Variants in RPS6KA6 observed in about 807,000 individuals in gnomAD.
The protein encoded by RPS6KA6 is ribosomal protein S6 kinase alpha-6.
RPS6KA6 carries 27 observed loss-of-function variants against 65.4 expected under a neutral mutation model. The observed-to-expected ratio is 0.41, with a 90% CI of 0.30 to 0.57. The LOEUF is 0.57. RPS6KA6 is among the 20% of genes least tolerant of loss of function. The pLI is 0.24. For synonymous variants in RPS6KA6, 190 were observed against 184.2 expected, an observed-to-expected ratio of 1.03 and a Z score of -0.26; for missense variants, 486 against 555.6, an observed-to-expected ratio of 0.87 and a Z score of 1.26.
intron 20 of RPS6KA6, among the ~76,000 whole-genome samples, chrX:84,091,089 C>T: frequency 8.9e-6 from 1 of 112,123 alleles, no homozygotes; most frequent in Non-Finnish European, 1.9e-5. Context: ...GTTTATTTAT[C>T]TGCAAAATGA....
intron 2 of RPS6KA6, among the ~76,000 whole-genome samples, chrX:84,162,720 T>C (rs1015486957): frequency 8.9e-6 from 1 of 112,048 alleles, no homozygotes; most frequent in African/African-American, 3.2e-5. Flanking sequence ...TGCTAAAATA[T>C]AATAAGCAGC....
chrX:84,132,814 A>G (rs184661477), intron 8 of RPS6KA6, among the ~76,000 whole-genome samples: 61 of 110,107 alleles, frequency 5.5e-4, no homozygotes, highest in African/African-American at 1.9e-3. Context: ...CACAGTTACA[A>G]CAGGAAACTT....
chrX:84,162,653 C>T (rs1189737821), intron 2 of RPS6KA6, among the ~76,000 whole-genome samples: 2 of 111,960 alleles, frequency 1.8e-5, no homozygotes, highest in African/African-American at 3.2e-5. Flanking sequence ...TGAGTTTATG[C>T]ACCACACACA....
intron 8 of RPS6KA6, among the ~76,000 whole-genome samples, chrX:84,128,782 G>A (rs1569399606): frequency 8.9e-6 from 1 of 111,939 alleles, no homozygotes; most frequent in Non-Finnish European, 1.9e-5. Flanking sequence ...AGGAAAACTG[G>A]ATATGCATAT....
At chrX:84,159,441 A>C (rs189249276) in intron 2 of RPS6KA6, among the ~76,000 whole-genome samples, 109 of 110,854 alleles carry the variant, frequency 9.8e-4, no homozygotes, top group African/African-American at 3.3e-3. Context: ...CTGAGAGTAA[A>C]TCATCCTTAA....
At chrX:84,065,143 T>C (rs1039656567) in intron 20 of RPS6KA6, 32 bp from the exon 21 acceptor site, 2 of 943,496 alleles carry the variant, frequency 2.1e-6, no homozygotes, top group African/African-American at 3.9e-5. Context: ...TGTATATATA[T>C]ATACATGTAT....
At chrX:84,098,180 G>GT (rs1048131813) in intron 18 of RPS6KA6, among the ~76,000 whole-genome samples, 1 of 111,317 alleles carries the variant, frequency 9.0e-6, no homozygotes, top group African/African-American at 3.2e-5. Context: ...TGAAGTGAAT[G>GT]TTAAGTAACT....
At position 84,119,843 on chromosome X, in the gene RPS6KA6, C is replaced by T. The variant is rs766636106; in HGVS notation, c.789+42G>A. 5.7e-6 allele frequency: 6 copies of T among 1,047,445 alleles called. No individual in the cohort carries two copies. The East Asian group carries it at 2.0e-4, about 35-fold the overall frequency. The allele number at this position is 1,047,445 out of a possible 1,213,427, so 86.3% of individuals were successfully genotyped here. A position where few individuals can be genotyped will look rare whatever the true frequency, so the allele number is the denominator to read the frequency against. On this transcript the variant is annotated intron_variant, in intron 9 of 21. Coordinates refer to ENST00000262752, the MANE Select transcript of RPS6KA6 (RefSeq NM_014496.5). ...ATTAAAATAAAATTATAAGTAATATCAATCACAGGTTGGCATAATTAAAAC... is the reference window on the plus strand; with the variant it reads ...ATTAAAATAAAATTATAAGTAATATTAATCACAGGTTGGCATAATTAAAAC...
At position 84,097,846 on chromosome X, in the gene RPS6KA6, A is replaced by G. The variant is rs766116621; in HGVS notation, c.1779T>C (p.Val593=). ...CAGCATCATATCCCTGTTGCATAAG[A>G]ACCTAAGAAAGAAATACTCATTATA... ...CYTANFVAPE[V]LMQQGYDAAC... Residue 593 remains valine, a splice_region_variant and synonymous_variant, in exon 19 of 22, where the codon GTT becomes GTC. Transcript: ENST00000262752. The G allele has an allele frequency of 2.6e-6, 3 of 1,174,610 alleles. No homozygotes were observed. The East Asian group carries it at 9.0e-5, about 35-fold the overall frequency.
intron 1 of RPS6KA6, chrX:84,187,527 C>T (rs2035942061): frequency 4.0e-6 from 1 of 247,382 alleles, no homozygotes; most frequent in African/African-American, 2.9e-5. Context: ...CCCAGTTCCC[C>T]TTCGGGTCGG....
At chrX:84,145,910 T>C (rs1314506370) in intron 5 of RPS6KA6, among the ~76,000 whole-genome samples, 1 of 111,504 alleles carries the variant, frequency 9.0e-6, no homozygotes, top group Non-Finnish European at 1.9e-5. Context: ...TATTAAACTT[T>C]CCAGGATTTC....
chrX:84,079,036 G>C (rs913272827), intron 20 of RPS6KA6, among the ~76,000 whole-genome samples: 5 of 111,577 alleles, frequency 4.5e-5, no homozygotes, highest in African/African-American at 1.6e-4. Context: ...TGGCCGAATG[G>C]GAACAGCTCC....
intron 6 of RPS6KA6, among the ~76,000 whole-genome samples, chrX:84,144,897 T>C (rs1006043378): frequency 9.0e-6 from 1 of 110,682 alleles, no homozygotes; most frequent in African/African-American, 3.3e-5. Context: ...AAAGTACTTA[T>C]GTTAAGCCAG....
intron 14 of RPS6KA6, 136 bp downstream of exon 14, chrX:84,106,774 T>C (rs2034367240): frequency 1.9e-6 from 1 of 515,420 alleles, no homozygotes; most frequent in Non-Finnish European, 3.1e-6. Context: ...CACAGGGACA[T>C]ATTTAATTCA....
chrX:84,123,886 A>T (rs2034726291), intron 8 of RPS6KA6, among the ~76,000 whole-genome samples: 1 of 110,916 alleles, frequency 9.0e-6, no homozygotes, highest in East Asian at 2.9e-4. Context: ...CAAGGTCGAG[A>T]CCCAGTGTTG....
rs977370623 is a variant in RPS6KA6, at chrX:84,061,437, C to CA, written c.*2839dup. ...TTGAATTACCAATGACAATAAATTA[C>CA]AAAAAACACTGTTTTAGACATTGCT... On this transcript the variant is annotated 3_prime_UTR_variant, in exon 22 of 22. Coordinates refer to ENST00000262752, the MANE Select transcript of RPS6KA6 (RefSeq NM_014496.5). 3.6e-5 allele frequency: 4 copies of CA among 111,589 alleles called. No homozygotes were observed. The highest frequency in any genetic ancestry group is 2.8e-4 in the East Asian group (1 of 3,539). The allele number at this position is 111,589 out of a possible 1,213,427, so 9.2% of individuals were successfully genotyped here. A position where few individuals can be genotyped will look rare whatever the true frequency, so the allele number is the denominator to read the frequency against.
intron 5 of RPS6KA6, 52 bp downstream of exon 5, chrX:84,146,926 T>C: frequency 1.5e-6 from 1 of 657,963 alleles, no homozygotes. Context: ...TCTAATTCCA[T>C]ATTAATAAAT....
At chrX:84,109,259 C>T (rs1382931892) in intron 12 of RPS6KA6, among the ~76,000 whole-genome samples, 1 of 112,147 alleles carries the variant, frequency 8.9e-6, no homozygotes, top group African/African-American at 3.2e-5. Context: ...CGGCCCTGCT[C>T]CCAACTATTT....
At chrX:84,074,851 G>C (rs2033626980) in intron 20 of RPS6KA6, among the ~76,000 whole-genome samples, 1 of 111,790 alleles carries the variant, frequency 8.9e-6, no homozygotes, top group Non-Finnish European at 1.9e-5. Flanking sequence ...AACTGACACA[G>C]ATGTCAGAAT....
Sources: gnomAD v4.1 joint callset for allele counts (sites outside exome capture counted in the v4.1 genomes callset) on GRCh38, gnomAD v4.1.1 for gene constraint, MANE v1.5 for transcripts, NCBI Gene and HGNC (gene_info 2026-07-23, HGNC 2026-07-21) for gene names.